The following SLC6A16 variants were observed in gnomAD, a reference collection of about 807,000 sequenced individuals.
The protein encoded by SLC6A16 is solute carrier family 6 member 16, also known as orphan sodium- and chloride-dependent neurotransmitter transporter NTT5.
Under a neutral mutation model 65.4 loss-of-function variants are expected in SLC6A16, and 54 were observed. The ratio of observed to expected loss-of-function variants is 0.83; its 90% confidence interval spans 0.66 to 1.04. SLC6A16 has a LOEUF of 1.04. Among genes scored for constraint, SLC6A16 ranks in the 50% least tolerant of loss-of-function variants. The probability of loss-of-function intolerance (pLI) is 0.00; values close to 1 mark genes in which losing one functional copy is unlikely to be tolerated. For synonymous variants in SLC6A16, 330 were observed against 346.5 expected, an observed-to-expected ratio of 0.95 and a Z score of 0.53; for missense variants, 816 against 914.0, an observed-to-expected ratio of 0.89 and a Z score of 1.38.
the SLC6A16 span, chr19:49,337,847 G>C: frequency 6.2e-7 from 1 of 1,600,830 alleles, no homozygotes; most frequent in South Asian, 1.1e-5. Flanking sequence ...CACAGGGCCC[G>C]CCTGAGGCTG....
At chr19:49,339,268 C>A in the SLC6A16 span, 1 of 1,472,888 alleles carries the variant, frequency 6.8e-7, no homozygotes, top group Non-Finnish European at 9.4e-7. The surrounding 1 kb of genome is among the most constrained non-coding windows in gnomAD (Gnocchi z 4.5). Flanking sequence ...CTGAAAAGAA[C>A]GCTGGGCCTG....
chr19:49,311,112 G>T lies in SLC6A16; in HGVS notation c.236C>A (p.Ala79Asp), dbSNP rs1405581596. The part of the protein sequence containing the change: ...ISVLEALTAS[A>D]LNQKPTHEKV... The stretch of plus-strand genomic sequence containing the variant: ...CTCATGCGTGGGTTTCTGGTTCAGG[G>T]CTGAGGCAGTTAACGCCTCCAATAC... The change falls in exon 2 of 12, where the codon GCC becomes GAC. Residue 79 changes from alanine (A) to aspartate (D), a missense_variant. Transcript: ENST00000335875. 1.2e-6 allele frequency: 2 copies of T among 1,614,058 alleles called. No individual in the cohort carries two copies. The highest frequency in any genetic ancestry group is 8.5e-7 in the Non-Finnish European group (1 of 1,180,044).
chr19:49,338,955 C>T, the SLC6A16 span: 4 of 1,538,418 alleles, frequency 2.6e-6, no homozygotes, highest in Non-Finnish European at 3.6e-6. This position sits in a 1 kb window ranked among gnomAD's most constrained non-coding sequence, Gnocchi z 5.0. Flanking sequence ...GGGTTCGGAG[C>T]ATAAACCTGT....
rs1024662218 is a variant in SLC6A16, at chr19:49,292,276, A to G, written c.1778+947T>C. Among the ~76,000 whole-genome samples, 5 of 152,160 alleles carry G rather than the reference A, an allele frequency of 3.3e-5. No individual in the cohort carries two copies. The highest frequency in any genetic ancestry group is 1.2e-4 in the African/African-American group (5 of 41,450). ...CAGCTACTCAGAAGGCTGAGGGAGG[A>G]GAATTGCTTGAACCCGGGAGGCGGA... On this transcript the variant is annotated intron_variant, in intron 10 of 11. Coordinates refer to ENST00000335875, the MANE Select transcript of SLC6A16 (RefSeq NM_014037.3). The surrounding 1 kb of genome is among the most constrained non-coding windows in gnomAD (Gnocchi z 4.3).
At chr19:49,338,653 T>A in the SLC6A16 span, 1 of 1,394,092 alleles carries the variant, frequency 7.2e-7, no homozygotes, top group Non-Finnish European at 1.0e-6. This position sits in a 1 kb window ranked among gnomAD's most constrained non-coding sequence, Gnocchi z 5.0. Flanking sequence ...ATCCCCAACA[T>A]CATATGTCTC....
intron 1 of SLC6A16, among the ~76,000 whole-genome samples, chr19:49,312,998 G>A (rs1282244016): frequency 1.4e-5 from 2 of 146,166 alleles, no homozygotes; most frequent in South Asian, 2.2e-4. Context: ...CAGGAGGATC[G>A]TTTGAACACA....
rs186118512 is a variant in SLC6A16, at chr19:49,295,251, G to A, written c.1230-698C>T. The stretch of plus-strand genomic sequence containing the variant: ...AAAAATCAGCTGGGCATGGTGGCAC[G>A]TGCCTGTAGTCCCAGCTATTCGGGA... On this transcript the variant is annotated intron_variant, in intron 7 of 11. Coordinates refer to ENST00000335875, the MANE Select transcript of SLC6A16 (RefSeq NM_014037.3). Among the ~76,000 whole-genome samples the A allele has an allele frequency of 2.1e-3, 321 of 152,126 alleles. 1 individual carries two copies. Among genetic ancestry groups the A allele is most frequent in the African/African-American group, 7.1e-3 (295 of 41,518 alleles).
the SLC6A16 span, chr19:49,339,386 C>CAT: frequency 6.2e-7 from 1 of 1,614,054 alleles, no homozygotes; most frequent in Non-Finnish European, 8.5e-7. The surrounding 1 kb of genome is among the most constrained non-coding windows in gnomAD (Gnocchi z 4.5). Context: ...CCATAGTGGG[C>CAT]ATTTGCCTGG....
Position 49,309,640 on chromosome 19 carries a change from T to C in SLC6A16, c.876+11A>G. 6.2e-7 allele frequency: 1 copy of C among 1,610,052 alleles called. No homozygotes were observed. Among genetic ancestry groups the C allele is most frequent in the African/African-American group, 1.3e-5 (1 of 74,982 alleles). On this transcript the variant is annotated intron_variant, in intron 5 of 11. Coordinates refer to ENST00000335875, the MANE Select transcript of SLC6A16 (RefSeq NM_014037.3). The stretch of plus-strand genomic sequence containing the variant: ...CTGAGAATTTCAAGGAATCCAATAC[T>C]GGTGGCTCACCTTCCCAGTGGACTT...
Position 49,309,104 on chromosome 19 carries a change from T to C in SLC6A16, c.1001A>G (p.Tyr334Cys), listed in dbSNP as rs1970454284. ...QLVVAKISDV[Y>C]NMSVWSLAGG... ...TGCTAGAGACCACACACTCATATTGTACACATCCGATATCTAAAAGAGAGA... is the reference window on the plus strand; with the variant it reads ...TGCTAGAGACCACACACTCATATTGCACACATCCGATATCTAAAAGAGAGA... Residue 334 changes from tyrosine (Y) to cysteine (C), a missense_variant, in exon 7 of 12, where the codon TAC (tyrosine) becomes TGC (cysteine). Tyr to Cys is a radical substitution (Grantham distance 194). Transcript: ENST00000335875. 1.9e-6 allele frequency: 3 copies of C among 1,614,106 alleles called. No individual in the cohort carries two copies. The highest frequency in any genetic ancestry group is 1.3e-5 in the African/African-American group (1 of 75,018).
In SLC6A16 at chr19:49,293,273, G is replaced by A. The variant is rs746482141; in HGVS notation, c.1728C>T (p.Val576=). ...CAGCCATGGTTTCAAATACGACAAC[G>A]ACGATGATGGGGAAGACTATCCAGT... ...SDYWIVFPII[V]VVVFETMAVS... The change falls in exon 10 of 12, where the codon GTC becomes GTT. Residue 576 remains valine, a synonymous_variant. Transcript: ENST00000335875. 15 of 1,614,020 alleles carry A rather than the reference G, an allele frequency of 9.3e-6. No homozygotes were observed. The highest frequency in any genetic ancestry group is 2.7e-5 in the African/African-American group (2 of 74,910).
chr19:49,306,787 C>T (rs902696742), intron 7 of SLC6A16, among the ~76,000 whole-genome samples: 1 of 152,058 alleles, frequency 6.6e-6, no homozygotes, highest in African/African-American at 2.4e-5. Context: ...CGTGATCCAT[C>T]TGCCTCAGCC....
At chr19:49,336,422 G>A in the SLC6A16 span, 1 of 157,956 alleles carries the variant, frequency 6.3e-6, no homozygotes, top group Non-Finnish European at 1.4e-5. Flanking sequence ...GCCAGGCATG[G>A]TGGCACATGC....
chr19:49,290,413 G>C (rs761603617), intron 11 of SLC6A16, 21 bp from the exon 12 acceptor site: 4 of 1,598,250 alleles, frequency 2.5e-6, no homozygotes, highest in South Asian at 2.2e-5. Context: ...ATGGGAAAAG[G>C]GTTCAGAATA....
In SLC6A16 at chr19:49,310,829, T is replaced by A; in HGVS notation, c.415+104A>T. 3 of 916,054 alleles carry A rather than the reference T, an allele frequency of 3.3e-6. No individual in the cohort carries two copies. The East Asian group carries it at 7.2e-5, about 22-fold the overall frequency. The allele number at this position is 916,054 out of a possible 1,614,324, so 56.7% of individuals were successfully genotyped here. ...CTCCTATCCTGCTCAGAGCACCAGG[T>A]CTTTAGTCTCTACATATCTCAGAAA... On this transcript the variant is annotated intron_variant, in intron 2 of 11. Coordinates refer to ENST00000335875, the MANE Select transcript of SLC6A16 (RefSeq NM_014037.3).
chr19:49,339,798 G>C, the SLC6A16 span: 1 of 1,359,972 alleles, frequency 7.4e-7, no homozygotes, highest in East Asian at 2.9e-5. The surrounding 1 kb of genome is among the most constrained non-coding windows in gnomAD (Gnocchi z 4.5). Flanking sequence ...GCGGCAGTCT[G>C]TGGGGTGGCT....
At chr19:49,331,189 T>C in the SLC6A16 span, among the ~76,000 whole-genome samples, 2 of 152,014 alleles carry the variant, frequency 1.3e-5, no homozygotes, top group African/African-American at 2.4e-5. Context: ...GGTGTTCCAC[T>C]TTTTTTTCCC....
intron 7 of SLC6A16, among the ~76,000 whole-genome samples, chr19:49,298,121 A>G (rs1252330005): frequency 2.0e-5 from 3 of 152,226 alleles, no homozygotes; most frequent in African/African-American, 7.2e-5. Context: ...AATCCCAAGC[A>G]AAATAAAAGG....
chr19:49,320,131 G>A lies in SLC6A16; in HGVS notation c.-65+4917C>T, dbSNP rs186837740. 8.0e-4 allele frequency among the ~76,000 whole-genome samples: 121 copies of A among 152,186 alleles called. 1 individual carries two copies. The highest frequency in any genetic ancestry group is 6.8e-3 in the South Asian group (33 of 4,818). On this transcript the variant is annotated intron_variant, in intron 1 of 11. Transcript: ENST00000335875. The stretch of plus-strand genomic sequence containing the variant: ...TACATTAAAAAACAAAAAAGAGGCC[G>A]GATGCAGTGGCTCACGCCTGTAATC...
Sources: allele counts gnomAD v4.1 joint callset (sites outside exome capture counted in the v4.1 genomes callset), GRCh38; gene constraint gnomAD v4.1.1; non-coding constraint Gnocchi (gnomAD v3.1); transcripts MANE v1.5; gene names NCBI Gene and HGNC (gene_info 2026-07-23, HGNC 2026-07-21).